Variants in FBXL7 observed in about 807,000 individuals in gnomAD.
FBXL7 encodes the protein F-box/LRR-repeat protein 7.
FBXL7 carries 12 observed loss-of-function variants against 38.3 expected under a neutral mutation model. The observed-to-expected ratio is 0.31, with a 90% confidence interval of 0.20 to 0.51. The LOEUF (loss-of-function observed/expected upper bound fraction) is 0.51, where lower values mean the gene tolerates loss of function less well. Ranked by LOEUF, FBXL7 falls within the 20% of genes least tolerant of loss-of-function variation. The pLI is 0.98. For missense variants in FBXL7, 567 were observed against 676.4 expected (o/e 0.84, Z 1.79); for synonymous variants, 297 against 300.9 (o/e 0.99, Z 0.13).
At chr5:15,813,627 G>C (rs1004257848) in intron 2 of FBXL7, among the ~76,000 whole-genome samples, 7 of 152,124 alleles carry the variant, frequency 4.6e-5, no homozygotes, top group Non-Finnish European at 7.4e-5. Context: ...ACTATCATCA[G>C]AGTGAACAGG....
At chr5:15,668,368 TTGTGTGTGTG>T (rs148728974) in intron 2 of FBXL7, among the ~76,000 whole-genome samples, 2,398 of 145,730 alleles carry the variant, frequency 0.016, 50 homozygotes, top group African/African-American at 0.045. Context: ...ATATTTGTGT[TTGTGTGTGTG>T]TGTGTGTGTG....
At chr5:15,562,708 C>G (rs530799155) in intron 1 of FBXL7, among the ~76,000 whole-genome samples, 22 of 152,124 alleles carry the variant, frequency 1.4e-4, no homozygotes, top group African/African-American at 5.3e-4. Flanking sequence ...CTTCCTCTCT[C>G]CATTCATCCC....
intron 2 of FBXL7, among the ~76,000 whole-genome samples, chr5:15,868,257 A>G (rs370902877): frequency 2.6e-5 from 4 of 152,328 alleles, no homozygotes; most frequent in East Asian, 1.9e-4. Context: ...AATTCTGTCA[A>G]CAGTCTGAAT....
At chr5:15,935,289 A>G (rs1742150708) in intron 3 of FBXL7, 1 of 527,556 alleles carries the variant, frequency 1.9e-6, no homozygotes, top group African/African-American at 2.0e-5. Flanking sequence ...GTTTTCCAAG[A>G]CACCTCGGGC....
At chr5:15,800,687 A>C (rs896578562) in intron 2 of FBXL7, among the ~76,000 whole-genome samples, 5 of 152,220 alleles carry the variant, frequency 3.3e-5, no homozygotes, top group Non-Finnish European at 7.3e-5. Flanking sequence ...TAAATGCTGA[A>C]AGTGGACAGA....
intron 2 of FBXL7, among the ~76,000 whole-genome samples, chr5:15,723,685 TTTG>T (rs1744266103): frequency 6.6e-6 from 1 of 152,240 alleles, no homozygotes; most frequent in African/African-American, 2.4e-5. Context: ...GTGTCTTTCT[TTTG>T]TTATTAATAT....
At chr5:15,543,510 T>C (rs540343948) in intron 1 of FBXL7, among the ~76,000 whole-genome samples, 1 of 152,302 alleles carries the variant, frequency 6.6e-6, no homozygotes, top group East Asian at 1.9e-4. Context: ...ATGCTGTTGT[T>C]GATACACAGC....
intron 2 of FBXL7, among the ~76,000 whole-genome samples, chr5:15,625,633 G>A (rs1472134221): frequency 6.6e-6 from 1 of 152,156 alleles, no homozygotes; most frequent in Non-Finnish European, 1.5e-5. Flanking sequence ...CAGCCTGGGT[G>A]ACGGAGTGAG....
chr5:15,662,792 CA>C (rs1210194629), intron 2 of FBXL7, among the ~76,000 whole-genome samples: 1 of 152,114 alleles, frequency 6.6e-6, no homozygotes, highest in Non-Finnish European at 1.5e-5. Context: ...TCAGCTTTGT[CA>C]AAGATCAGAT....
intron 1 of FBXL7, among the ~76,000 whole-genome samples, chr5:15,531,915 G>A (rs926017975): frequency 2.0e-5 from 3 of 152,124 alleles, no homozygotes; most frequent in Non-Finnish European, 2.9e-5. Context: ...GAAACCCTTT[G>A]CTGGTTCAGG....
intron 2 of FBXL7, among the ~76,000 whole-genome samples, chr5:15,624,883 T>TTTC (rs1740762322): frequency 6.6e-6 from 1 of 151,984 alleles, no homozygotes; most frequent in Admixed American, 6.6e-5. Flanking sequence ...TTTTTTTTTT[T>TTTC]TCCTAGATGA....
chr5:15,840,940 A>G (rs1363748700), intron 2 of FBXL7, among the ~76,000 whole-genome samples: 3 of 151,550 alleles, frequency 2.0e-5, no homozygotes, highest in Non-Finnish European at 4.4e-5. Flanking sequence ...AAATTTTATT[A>G]TCATGTGTTT....
At chr5:15,516,387 A>C (rs1376834315) in intron 1 of FBXL7, among the ~76,000 whole-genome samples, 1 of 152,208 alleles carries the variant, frequency 6.6e-6, no homozygotes, top group African/African-American at 2.4e-5. Context: ...TAAACTTCGT[A>C]CTTTGAGAAA....
intron 2 of FBXL7, among the ~76,000 whole-genome samples, chr5:15,749,493 T>G (rs1014547242): frequency 3.4e-5 from 5 of 149,194 alleles, no homozygotes; most frequent in Non-Finnish European, 3.0e-5. Context: ...CAGGCGTGGT[T>G]GCGGGCGCCC....
chr5:15,747,786 T>C (rs78311460), intron 2 of FBXL7, among the ~76,000 whole-genome samples: 8,030 of 152,238 alleles, frequency 0.053, 227 homozygotes, highest in East Asian at 0.084. Context: ...CTCCCACTTA[T>C]AAATATTACC....
chr5:15,545,800 T>C (rs1455171830), intron 1 of FBXL7, among the ~76,000 whole-genome samples: 2 of 152,206 alleles, frequency 1.3e-5, no homozygotes, highest in East Asian at 1.9e-4. Flanking sequence ...TTAATGGCAA[T>C]TCAAAAAGTA....
intron 2 of FBXL7, among the ~76,000 whole-genome samples, chr5:15,839,000 A>G (rs112358286): frequency 2.0e-5 from 3 of 152,130 alleles, no homozygotes; most frequent in Non-Finnish European, 4.4e-5. Flanking sequence ...GTTTGTTTTT[A>G]AAACCTTTTC....
intron 2 of FBXL7, among the ~76,000 whole-genome samples, chr5:15,647,514 T>C (rs986118311): frequency 1.3e-5 from 2 of 152,194 alleles, no homozygotes; most frequent in Admixed American, 1.3e-4. Context: ...GTTTGATGGC[T>C]AGGGGAGTGG....
At chr5:15,913,443 G>A (rs1315232691) in intron 2 of FBXL7, among the ~76,000 whole-genome samples, 1 of 152,042 alleles carries the variant, frequency 6.6e-6, no homozygotes, top group Non-Finnish European at 1.5e-5. Flanking sequence ...ATTACTTATT[G>A]ATCTTTTACA....
Sources: allele counts gnomAD v4.1 joint callset (sites outside exome capture counted in the v4.1 genomes callset), GRCh38; gene constraint gnomAD v4.1.1; transcripts MANE v1.5; gene names NCBI Gene and HGNC (gene_info 2026-07-23, HGNC 2026-07-21).